SEL1L2: variants seen among roughly 807,000 people sequenced by gnomAD.
SEL1L2 encodes the protein SEL1L2 adaptor subunit of SYVN1 ubiquitin ligase.
Under a neutral mutation model 98.8 loss-of-function variants are expected in SEL1L2, and 89 were observed. The ratio of observed to expected loss-of-function variants is 0.90; its 90% CI spans 0.76 to 1.07. The LOEUF is 1.07. Among genes scored for constraint, SEL1L2 ranks in the 50% least tolerant of loss-of-function variants. The pLI, the probability that SEL1L2 is intolerant of heterozygous loss-of-function variation, is 0.00. For missense variants in SEL1L2, 788 were observed against 812.0 expected (o/e 0.97, Z 0.36); for synonymous variants, 262 against 278.5 (o/e 0.94, Z 0.59).
At chr20:13,878,646 T>C (rs565896217) in intron 10 of SEL1L2, among the ~76,000 whole-genome samples, 1 of 152,370 alleles carries the variant, frequency 6.6e-6, no homozygotes, top group African/African-American at 2.4e-5. Context: ...CTAACTTCTT[T>C]GTGGGCATAA....
At chr20:13,868,850 G>A (rs141820828) in intron 14 of SEL1L2, among the ~76,000 whole-genome samples, 80 of 151,962 alleles carry the variant, frequency 5.3e-4, no homozygotes, top group African/African-American at 1.7e-3. Flanking sequence ...CGCCCGCCTC[G>A]GCCTCCCAAA....
At chr20:13,985,677 A>G (rs377045557) in intron 1 of SEL1L2, among the ~76,000 whole-genome samples, 2 of 152,278 alleles carry the variant, frequency 1.3e-5, no homozygotes, top group East Asian at 3.9e-4. Context: ...ACTTTCATTA[A>G]AGATTTATTT....
chr20:13,971,340 T>C (rs2051274295), intron 1 of SEL1L2, among the ~76,000 whole-genome samples: 1 of 152,224 alleles, frequency 6.6e-6, no homozygotes, highest in South Asian at 2.1e-4. Flanking sequence ...TCAAGAAGGT[T>C]TTCTTACCAA....
chr20:13,954,667 C>T (rs1189774157), intron 2 of SEL1L2, among the ~76,000 whole-genome samples: 1 of 152,134 alleles, frequency 6.6e-6, no homozygotes, highest in Non-Finnish European at 1.5e-5. Context: ...CTGGAGGTCT[C>T]ATCTTCTAAT....
At chr20:13,944,548 G>A (rs560325882) in intron 2 of SEL1L2, among the ~76,000 whole-genome samples, 2 of 152,148 alleles carry the variant, frequency 1.3e-5, no homozygotes, top group African/African-American at 4.8e-5. Context: ...GAGATGTCAG[G>A]AAAGGAACAG....
chr20:13,907,452 C>T (rs371057545), intron 5 of SEL1L2, among the ~76,000 whole-genome samples: 1 of 151,972 alleles, frequency 6.6e-6, no homozygotes, highest in East Asian at 1.9e-4. Flanking sequence ...GCTTGCAGTC[C>T]TAGCTACTTG....
At chr20:13,960,311 C>T (rs1569045265) in intron 1 of SEL1L2, among the ~76,000 whole-genome samples, 1 of 152,084 alleles carries the variant, frequency 6.6e-6, no homozygotes, top group African/African-American at 2.4e-5. Flanking sequence ...TCCAGAAAAT[C>T]AAACTGTCAG....
chr20:13,918,217 G>A (rs893569482), intron 4 of SEL1L2, among the ~76,000 whole-genome samples: 1 of 152,146 alleles, frequency 6.6e-6, no homozygotes, highest in Non-Finnish European at 1.5e-5. Flanking sequence ...CTAAGTGTCA[G>A]GCACTATTGT....
chr20:13,969,077 A>C (rs1202112593), intron 1 of SEL1L2, among the ~76,000 whole-genome samples: 1 of 152,230 alleles, frequency 6.6e-6, no homozygotes, highest in Non-Finnish European at 1.5e-5. Flanking sequence ...TGAAAGGCTG[A>C]AATTTTGCAA....
At chr20:13,955,974 A>G in intron 2 of SEL1L2, 102 bp downstream of exon 2, 1 of 687,848 alleles carries the variant, frequency 1.5e-6, no homozygotes, top group Non-Finnish European at 2.5e-6. Context: ...AGAATTAAAA[A>G]AAAAAGAGAC....
intron 18 of SEL1L2, among the ~76,000 whole-genome samples, chr20:13,858,523 A>G (rs1989526696): frequency 6.6e-6 from 1 of 152,130 alleles, no homozygotes; most frequent in Non-Finnish European, 1.5e-5. Flanking sequence ...TATCTCGTTG[A>G]GTGGTTGTGT....
intron 5 of SEL1L2, among the ~76,000 whole-genome samples, chr20:13,901,888 C>G (rs2047700133): frequency 6.6e-6 from 1 of 151,984 alleles, no homozygotes; most frequent in Non-Finnish European, 1.5e-5. Context: ...GTCTCAAACT[C>G]CTGACCTCAA....
intron 2 of SEL1L2, among the ~76,000 whole-genome samples, chr20:13,946,595 G>C (rs1008868809): frequency 3.9e-5 from 6 of 152,246 alleles, no homozygotes; most frequent in African/African-American, 1.4e-4. Context: ...GTGCTCCGCA[G>C]AGCCAGTGGA....
At chr20:13,871,973 T>C (rs909336112) in intron 12 of SEL1L2, among the ~76,000 whole-genome samples, 10 of 152,182 alleles carry the variant, frequency 6.6e-5, no homozygotes, top group Admixed American at 6.5e-5. Flanking sequence ...AACACAGGAA[T>C]AGCACATAAA....
chr20:13,872,847 G>A (rs962742262), intron 12 of SEL1L2, among the ~76,000 whole-genome samples: 2 of 152,150 alleles, frequency 1.3e-5, no homozygotes, highest in Non-Finnish European at 1.5e-5. Flanking sequence ...AATATGCCAG[G>A]TAGTGGAGAC....
At chr20:13,990,708 A>T, upstream of SEL1L2, 1 of 569,344 alleles carries the variant, frequency 1.8e-6, no homozygotes, top group Non-Finnish European at 3.1e-6. Context: ...GAATGAAGGC[A>T]GCTGCTGGAG....
intron 2 of SEL1L2, among the ~76,000 whole-genome samples, chr20:13,946,335 T>A (rs1355356096): frequency 6.6e-6 from 1 of 152,124 alleles, no homozygotes; most frequent in Admixed American, 6.5e-5. Context: ...TGTATTTCTA[T>A]ATACTACAAA....
At chr20:13,992,460 C>T (rs764979230), upstream of SEL1L2, among the ~76,000 whole-genome samples, 8 of 151,908 alleles carry the variant, frequency 5.3e-5, no homozygotes, top group South Asian at 2.1e-4. Context: ...GCCAAGATCG[C>T]GCCATTGCAT....
chr20:13,849,341 G>A lies in SEL1L2; in HGVS notation c.*144C>T, dbSNP rs1177008605. 14 of 1,044,460 alleles carry A rather than the reference G, an allele frequency of 1.3e-5. No individual in the cohort carries two copies. The highest frequency in any genetic ancestry group is 2.0e-5 in the Non-Finnish European group (14 of 711,718). The allele number at this position is 1,044,460 out of a possible 1,614,324, so 64.7% of individuals were successfully genotyped here. On this transcript the variant is annotated 3_prime_UTR_variant, in exon 20 of 20. Transcript: ENST00000284951. ...AGTCTGAAGTTGTTTCTCTAGGATG[G>A]TCCCCAAGTCTTGTCTGTTTCCCAT...
Sources: gnomAD v4.1 joint callset for allele counts (sites outside exome capture counted in the v4.1 genomes callset) on GRCh38, gnomAD v4.1.1 for gene constraint, MANE v1.5 for transcripts, NCBI Gene and HGNC (gene_info 2026-07-23, HGNC 2026-07-21) for gene names.